Variants in DNAH7 observed in about 807,000 individuals in gnomAD.
DNAH7 encodes dynein axonemal heavy chain 7.
Under a neutral mutation model 444.6 loss-of-function variants are expected in DNAH7, and 397 were observed. The observed-to-expected ratio is 0.89, with a 90% confidence interval of 0.82 to 0.97. The LOEUF (loss-of-function observed/expected upper bound fraction) is 0.97, where lower values mean the gene tolerates loss of function less well. DNAH7 is among the 50% of genes least tolerant of loss of function. The probability of loss-of-function intolerance (pLI) is 0.00; values close to 1 mark genes in which losing one functional copy is unlikely to be tolerated. For missense variants in DNAH7, 4,902 were observed against 4,800.8 expected (o/e 1.02, Z -0.62); for synonymous variants, 1,636 against 1,624.4 (o/e 1.01, Z -0.17).
intron 19 of DNAH7, among the ~76,000 whole-genome samples, chr2:195,939,695 C>T (rs1249271805): frequency 6.6e-6 from 1 of 152,104 alleles, no homozygotes; most frequent in Non-Finnish European, 1.5e-5. Context: ...TCTTTTACTT[C>T]ACAACCACCC....
At chr2:195,816,150 T>C (rs559956995) in intron 51 of DNAH7, among the ~76,000 whole-genome samples, 133 of 152,334 alleles carry the variant, frequency 8.7e-4, no homozygotes, top group African/African-American at 3.2e-3. Flanking sequence ...TAAAGTATTT[T>C]ATGTAAATAA....
At chr2:195,771,122 C>G (rs978330141) in intron 61 of DNAH7, among the ~76,000 whole-genome samples, 9 of 151,980 alleles carry the variant, frequency 5.9e-5, no homozygotes, top group Admixed American at 2.0e-4. Context: ...AGTTCAAAAC[C>G]AGCCTGAGCA....
chr2:196,060,766 T>C (rs1422373041), intron 1 of DNAH7, among the ~76,000 whole-genome samples: 1 of 152,192 alleles, frequency 6.6e-6, no homozygotes, highest in African/African-American at 2.4e-5. Flanking sequence ...ACCTCCACAA[T>C]GCCAAGTCCT....
chr2:196,056,684 T>C (rs1697829695), intron 2 of DNAH7, among the ~76,000 whole-genome samples: 1 of 152,178 alleles, frequency 6.6e-6, no homozygotes. Context: ...GACATACCAG[T>C]TGCCTACTGT....
chr2:196,043,487 C>A (rs1165253594), intron 5 of DNAH7, among the ~76,000 whole-genome samples: 1 of 152,098 alleles, frequency 6.6e-6, no homozygotes, highest in African/African-American at 2.4e-5. Context: ...AGAAAAACTT[C>A]TGGATATTAG....
intron 50 of DNAH7, 143 bp downstream of exon 50, chr2:195,817,553 G>T: frequency 1.0e-5 from 9 of 869,554 alleles, no homozygotes; most frequent in Non-Finnish European, 1.3e-5. Flanking sequence ...TGACATAGAG[G>T]TATAATTCCT....
chr2:195,920,965 T>C (rs1687983864), intron 24 of DNAH7, among the ~76,000 whole-genome samples: 1 of 152,118 alleles, frequency 6.6e-6, no homozygotes, highest in Admixed American at 6.5e-5. Context: ...TATGAAAAAA[T>C]GCTCAGTGTC....
chr2:195,901,409 T>C (rs1686697856), intron 27 of DNAH7: 1 of 152,174 alleles, frequency 6.6e-6, no homozygotes, highest in South Asian at 2.1e-4. Flanking sequence ...ATCATATAGA[T>C]AAAAAGCAAC....
chr2:195,980,736 AGAAT>A (rs1692519391), intron 15 of DNAH7, among the ~76,000 whole-genome samples: 1 of 152,214 alleles, frequency 6.6e-6, no homozygotes, highest in South Asian at 2.1e-4. Context: ...CTGTATCAAC[AGAAT>A]GAAGGACAAA....
chr2:196,000,845 C>A lies in DNAH7; in HGVS notation c.1212G>T (p.Met404Ile), dbSNP rs374943130. 6.9e-6 allele frequency: 11 copies of A among 1,598,492 alleles called. No homozygotes were observed. Among genetic ancestry groups the A allele is most frequent in the African/African-American group, 1.3e-5 (1 of 74,322 alleles). ...TGGTGTCATTATCAAGAATCAGCCT[C>A]ATGATGAAACCTGGATGTTCAAAAG... ...VRAFEHPGFIMRLILDNDTIK... is the reference protein window; with the variant it reads ...VRAFEHPGFIIRLILDNDTIK... Residue 404 changes from methionine to isoleucine, a missense_variant, in exon 12 of 65, where the codon ATG becomes ATT. By Grantham distance (10) the Met-to-Ile change is conservative (BLOSUM62 1). Coordinates refer to ENST00000312428, the MANE Select transcript of DNAH7 (RefSeq NM_018897.3).
At chr2:195,964,986 A>G (rs1287347515) in intron 17 of DNAH7, among the ~76,000 whole-genome samples, 3 of 152,044 alleles carry the variant, frequency 2.0e-5, no homozygotes, top group Non-Finnish European at 4.4e-5. Context: ...TGTAGCTAGT[A>G]CTTCCAGCAC....
Position 195,891,824 on chromosome 2 carries a change from A to G in DNAH7, c.4897-20T>C, listed in dbSNP as rs778848026. On this transcript the variant is annotated intron_variant, in intron 30 of 64. Coordinates refer to ENST00000312428, the MANE Select transcript of DNAH7 (RefSeq NM_018897.3). ...TAGCCCCTTAATGAAAAAAAAAAAC[A>G]TTTATTTATGTAAAGAATACTGTCT... The G allele has an allele frequency of 7.9e-6, 12 of 1,513,694 alleles. No individual in the cohort carries two copies. The South Asian group carries it at 9.0e-5, about 11-fold the overall frequency. 93.8% of individuals were successfully genotyped at this position (1,513,694 alleles called of 1,614,324 possible).
intron 19 of DNAH7, among the ~76,000 whole-genome samples, chr2:195,942,395 GGAA>G (rs1252211990): frequency 6.7e-6 from 1 of 149,574 alleles, no homozygotes; most frequent in East Asian, 2.1e-4. Flanking sequence ...AGAGGAAGAA[GGAA>G]GAAGATGAAG....
intron 61 of DNAH7, among the ~76,000 whole-genome samples, chr2:195,761,912 T>A (rs764431050): frequency 3.9e-5 from 6 of 152,156 alleles, no homozygotes; most frequent in Non-Finnish European, 7.4e-5. Context: ...CTCAGGGTAA[T>A]ACTAAGTTCA....
chr2:195,856,589 G>A (rs1433986405), intron 44 of DNAH7, among the ~76,000 whole-genome samples: 1 of 152,130 alleles, frequency 6.6e-6, no homozygotes, highest in African/African-American at 2.4e-5. Context: ...TTGGATATGA[G>A]TTTGAAAAAC....
At chr2:195,779,006 G>C (rs953628157) in intron 58 of DNAH7, among the ~76,000 whole-genome samples, 3 of 151,834 alleles carry the variant, frequency 2.0e-5, no homozygotes, top group Non-Finnish European at 4.4e-5. Flanking sequence ...ACCACGCCCA[G>C]CTAATTTTTT....
intron 48 of DNAH7, among the ~76,000 whole-genome samples, chr2:195,826,339 T>C (rs1392177353): frequency 1.3e-5 from 2 of 152,204 alleles, no homozygotes; most frequent in Admixed American, 6.5e-5. Flanking sequence ...CTGGACACCA[T>C]GCTGGCACTG....
chr2:195,777,799 C>T lies in DNAH7; in HGVS notation c.11064+1G>A. On this transcript the variant is annotated splice_donor_variant, in intron 59 of 64. Transcript: ENST00000312428. LOFTEE classifies it high-confidence loss of function. The stretch of plus-strand genomic sequence containing the variant: ...TTAGTTTTTTTGAAGGGCATACTTA[C>T]ATCACCAGAAGGAGGAACAAAATAG... 6.2e-7 allele frequency: 1 copy of T among 1,608,002 alleles called. No individual in the cohort carries two copies. Among genetic ancestry groups the T allele is most frequent in the Non-Finnish European group, 8.5e-7 (1 of 1,175,316 alleles).
rs200947523 is a variant in DNAH7, at chr2:195,738,087, C to G, written c.11909G>C (p.Arg3970Pro). Residue 3970 changes from arginine (R) to proline (P), a missense_variant, in exon 65 of 65, where the codon CGG (arginine) becomes CCG (proline). By Grantham distance (103) the Arg-to-Pro change is moderately radical. Coordinates refer to ENST00000312428, the MANE Select transcript of DNAH7 (RefSeq NM_018897.3). ...ATACAATGGAGCAACATAACTTGGC[C>G]GTTTTGGTATATCTGCCCTCTTACA... ...KPCKRADIPK[R>P]PSYVAPLYKT... 2 of 1,613,768 alleles carry G rather than the reference C, an allele frequency of 1.2e-6. No individual in the cohort carries two copies. Among genetic ancestry groups the G allele is most frequent in the African/African-American group, 2.7e-5 (2 of 74,908 alleles).
Sources: allele counts gnomAD v4.1 joint callset (sites outside exome capture counted in the v4.1 genomes callset), GRCh38; gene constraint gnomAD v4.1.1; transcripts MANE v1.5; gene names NCBI Gene and HGNC (gene_info 2026-07-23, HGNC 2026-07-21).